The following FANCB variants were observed in gnomAD, a reference collection of about 807,000 sequenced individuals.
FANCB encodes FA complementation group B.
FANCB carries 5 observed loss-of-function variants against 38.9 expected under a neutral mutation model. That is an observed-to-expected ratio of 0.13 (90% confidence interval 0.07 to 0.27). The LOEUF (loss-of-function observed/expected upper bound fraction) is 0.27, where lower values mean the gene tolerates loss of function less well. FANCB is among the 10% of genes least tolerant of loss of function. The pLI is 1.00. For synonymous variants in FANCB, 236 were observed against 215.4 expected (o/e 1.10, Z -0.84); for missense variants, 573 against 602.7 (o/e 0.95, Z 0.52).
chrX:14,734,373 T>A, the FANCB span, among the ~76,000 whole-genome samples: 1 of 112,407 alleles, frequency 8.9e-6, no homozygotes, highest in Non-Finnish European at 1.9e-5. Context: ...GTTTTTCCTT[T>A]CCCTATTTAG....
chrX:14,783,677 G>C, the FANCB span, among the ~76,000 whole-genome samples: 1 of 111,524 alleles, frequency 9.0e-6, no homozygotes, highest in Non-Finnish European at 1.9e-5. Flanking sequence ...GAACCCAAAA[G>C]GTAAGAATAT....
downstream of FANCB, among the ~76,000 whole-genome samples, chrX:14,841,365 T>C (rs1244690267): frequency 8.9e-6 from 1 of 112,479 alleles, no homozygotes; most frequent in Non-Finnish European, 1.9e-5. Context: ...AGCAAAGTTT[T>C]ACACAGGTTT....
At chrX:14,806,140 T>A in the FANCB span, among the ~76,000 whole-genome samples, 20 of 110,883 alleles carry the variant, frequency 1.8e-4, no homozygotes, top group East Asian at 5.4e-3. Flanking sequence ...AGGAGGGAAG[T>A]GAGAAAAGTT....
intron 3 of FANCB, among the ~76,000 whole-genome samples, chrX:14,863,842 T>C (rs1362304017): frequency 8.9e-6 from 1 of 111,968 alleles, no homozygotes; most frequent in Non-Finnish European, 1.9e-5. Flanking sequence ...ATTATAAATG[T>C]TTAAAAAGTT....
At chrX:14,833,557 G>A (rs2092332685), downstream of FANCB, among the ~76,000 whole-genome samples, 1 of 111,638 alleles carries the variant, frequency 9.0e-6, no homozygotes, top group South Asian at 3.7e-4. Flanking sequence ...TTAAGACAAT[G>A]ATGCTACTAA....
chrX:14,774,993 C>T, the FANCB span, among the ~76,000 whole-genome samples: 1 of 109,471 alleles, frequency 9.1e-6, no homozygotes, highest in Non-Finnish European at 1.9e-5. Context: ...CCACAACGCC[C>T]GGCTAATTTT....
the FANCB span, among the ~76,000 whole-genome samples, chrX:14,811,909 T>G: frequency 9.0e-6 from 1 of 111,722 alleles, no homozygotes. Context: ...ACCACATAGT[T>G]GGAAGTAAAG....
chrX:14,759,484 A>T, the FANCB span, among the ~76,000 whole-genome samples: 1 of 111,950 alleles, frequency 8.9e-6, no homozygotes, highest in Non-Finnish European at 1.9e-5. Flanking sequence ...GCATCAGGCA[A>T]CCTATAAAGG....
chrX:14,863,834 T>C (rs2092456775), intron 3 of FANCB, among the ~76,000 whole-genome samples: 1 of 109,809 alleles, frequency 9.1e-6, no homozygotes, highest in Middle Eastern at 4.7e-3. Flanking sequence ...AATAGATAAT[T>C]ATAAATGTTT....
intron 2 of FANCB, among the ~76,000 whole-genome samples, chrX:14,867,946 A>G (rs2092477538): frequency 9.0e-6 from 1 of 111,502 alleles, no homozygotes; most frequent in African/African-American, 3.3e-5. Flanking sequence ...AAAGGTACAC[A>G]CACAAAAAAA....
chrX:14,727,789 T>A, the FANCB span, among the ~76,000 whole-genome samples: 1 of 112,018 alleles, frequency 8.9e-6, no homozygotes, highest in Non-Finnish European at 1.9e-5. Flanking sequence ...TACTCCGATG[T>A]TAGGCTGGAT....
At chrX:14,758,828 C>T in the FANCB span, among the ~76,000 whole-genome samples, 7,263 of 110,842 alleles carry the variant, frequency 0.066, 302 homozygotes, top group African/African-American at 0.14. Flanking sequence ...CTTTAGCACC[C>T]CCAAAAGATC....
chrX:14,773,885 G>A, the FANCB span, among the ~76,000 whole-genome samples: 2 of 111,175 alleles, frequency 1.8e-5, no homozygotes, highest in African/African-American at 6.6e-5. Flanking sequence ...AAGTCCCGGG[G>A]AAGAGTCTTA....
At chrX:14,788,003 G>T in the FANCB span, among the ~76,000 whole-genome samples, 1,222 of 100,601 alleles carry the variant, frequency 0.012, 7 homozygotes, top group Middle Eastern at 0.038. Context: ...GGTAAAAGCT[G>T]CAGTTAAAAA....
At chrX:14,763,825 CTATCT>C in the FANCB span, among the ~76,000 whole-genome samples, 3 of 111,570 alleles carry the variant, frequency 2.7e-5, no homozygotes, top group South Asian at 3.7e-4. Flanking sequence ...CGTTGTTCTC[CTATCT>C]TAACAACTCT....
the FANCB span, among the ~76,000 whole-genome samples, chrX:14,807,783 T>G: frequency 9.0e-6 from 1 of 111,676 alleles, no homozygotes; most frequent in African/African-American, 3.3e-5. Context: ...AAAAGTTGGT[T>G]TTTTGAAAAG....
downstream of FANCB, among the ~76,000 whole-genome samples, chrX:14,839,698 C>T (rs1045213471): frequency 8.1e-5 from 9 of 111,616 alleles, no homozygotes; most frequent in Non-Finnish European, 1.7e-4. Context: ...TGGTTCTTTA[C>T]TACTCTTTTA....
chrX:14,802,139 G>C, the FANCB span, among the ~76,000 whole-genome samples: 1 of 111,343 alleles, frequency 9.0e-6, no homozygotes, highest in African/African-American at 3.3e-5. Context: ...TTGAGGGTGG[G>C]GTTAAGGAAA....
At chrX:14,861,277 A>C (rs2092445755) in intron 3 of FANCB, among the ~76,000 whole-genome samples, 2 of 112,231 alleles carry the variant, frequency 1.8e-5, no homozygotes, top group Non-Finnish European at 3.8e-5. Flanking sequence ...AGAAGAAAAA[A>C]GTTAATCATG....
Sources: gnomAD v4.1 joint callset for allele counts (sites outside exome capture counted in the v4.1 genomes callset) on GRCh38, gnomAD v4.1.1 for gene constraint, MANE v1.5 for transcripts, NCBI Gene and HGNC (gene_info 2026-07-23, HGNC 2026-07-21) for gene names.